Variants in NUDC observed in about 807,000 individuals in gnomAD.
The protein encoded by NUDC is nuclear distribution C, dynein complex regulator, also known as nuclear migration protein nudC.
A neutral mutation model predicts 45.0 loss-of-function variants in NUDC; 14 were observed. The observed-to-expected ratio is 0.31, with a 90% CI of 0.21 to 0.49. The LOEUF (loss-of-function observed/expected upper bound fraction) is 0.49. Ranked by LOEUF, NUDC falls within the 20% of genes least tolerant of loss-of-function variation. The pLI is 0.99. For synonymous variants in NUDC, 153 were observed against 156.7 expected (o/e 0.98, Z 0.17); for missense variants, 323 against 426.2 (o/e 0.76, Z 2.13).
rs752086600 is a variant in NUDC at position 26,942,865 on chromosome 1, A to G, written c.547-6A>G. ...GGCCTCTTCTGACTGCCTCTGCCCTATGCAGCTGGCGGTCCCTTTCTGTGT... is the reference window on the plus strand; with the variant it reads ...GGCCTCTTCTGACTGCCTCTGCCCTGTGCAGCTGGCGGTCCCTTTCTGTGT... On this transcript the variant is annotated splice_polypyrimidine_tract_variant and splice_region_variant and intron_variant, in intron 5 of 8. Coordinates refer to ENST00000321265, the MANE Select transcript of NUDC (RefSeq NM_006600.4). 2.8e-5 allele frequency: 45 copies of G among 1,613,670 alleles called. No individual in the cohort carries two copies. Among genetic ancestry groups the G allele is most frequent in the Non-Finnish European group, 3.6e-5 (43 of 1,180,032 alleles).
At chr1:26,909,320 A>G (rs1448703489) in intron 2 of NUDC, among the ~76,000 whole-genome samples, 1 of 151,826 alleles carries the variant, frequency 6.6e-6, no homozygotes, top group Non-Finnish European at 1.5e-5. Flanking sequence ...GTCTCATTAC[A>G]TTGCCCAGGC....
At chr1:26,911,274 G>A (rs906372092) in intron 3 of NUDC, 22 of 422,956 alleles carry the variant, frequency 5.2e-5, no homozygotes, top group Non-Finnish European at 9.3e-5. Context: ...CCAGGGGAGC[G>A]GTTAGTGAAG....
At chr1:26,940,678 G>A (rs1271628993) in intron 2 of NUDC, among the ~76,000 whole-genome samples, 1 of 151,910 alleles carries the variant, frequency 6.6e-6, no homozygotes, top group Non-Finnish European at 1.5e-5. Context: ...TTTAAACAGC[G>A]CCACTTTTTT....
intron 3 of NUDC, 38 bp downstream of exon 3, chr1:26,941,698 C>T (rs1557680854): frequency 1.2e-6 from 2 of 1,613,086 alleles, no homozygotes; most frequent in South Asian, 1.1e-5. Flanking sequence ...CCTCAGATCC[C>T]CCCTGGCACT....
chr1:26,930,313 G>A (rs2082170027), intron 2 of NUDC, among the ~76,000 whole-genome samples: 1 of 152,190 alleles, frequency 6.6e-6, no homozygotes, highest in Non-Finnish European at 1.5e-5. Context: ...GGGAGTATAG[G>A]CGTGCCCCAC....
chr1:26,902,320 C>A (rs1175084518), exon 2 of NUDC: 2 of 152,274 alleles, frequency 1.3e-5, no homozygotes, highest in Non-Finnish European at 2.9e-5. Flanking sequence ...TGAGCCAGCG[C>A]ACATCTCCTC....
upstream of NUDC, among the ~76,000 whole-genome samples, chr1:26,917,477 G>A (rs1412398773): frequency 3.3e-5 from 5 of 152,040 alleles, no homozygotes; most frequent in African/African-American, 1.2e-4. Context: ...TAGGAGAATC[G>A]CTTGAACCCA....
At chr1:26,905,651 G>A (rs1475285216) in intron 2 of NUDC, among the ~76,000 whole-genome samples, 1 of 150,208 alleles carries the variant, frequency 6.7e-6, no homozygotes, top group African/African-American at 2.4e-5. Flanking sequence ...CCCAGTCTCT[G>A]GTAATCAGGG....
intron 2 of NUDC, among the ~76,000 whole-genome samples, chr1:26,938,551 A>G (rs1437704423): frequency 1.3e-5 from 2 of 152,158 alleles, no homozygotes; most frequent in Admixed American, 1.3e-4. Flanking sequence ...TTTAGGGGGT[A>G]CGTTTGGTGT....
At chr1:26,911,224 G>T (rs1041208131) in exon 3 of NUDC, 4 of 466,140 alleles carry the variant, frequency 8.6e-6, no homozygotes, top group Admixed American at 4.7e-5. Flanking sequence ...CTGTGATTGG[G>T]CTTTCACTGT....
rs1324526109 is a variant in NUDC at position 26,941,620 on chromosome 1, C to G, written c.323C>G (p.Thr108Ser). The G allele has an allele frequency of 6.2e-7, 1 of 1,612,678 alleles. No homozygotes were observed. The highest frequency in any genetic ancestry group is 2.2e-5 in the East Asian group (1 of 44,848). The change falls in exon 3 of 9, where the codon ACT becomes AGT. Residue 108 changes from threonine (T) to serine (S), a missense_variant. Thr to Ser is a moderately conservative substitution (Grantham distance 58). Around this residue, in one of 3 missense-constraint regions of NUDC, gnomAD observed 245 missense variants for 278.8 expected, o/e 0.88. Coordinates refer to ENST00000321265, the MANE Select transcript of NUDC (RefSeq NM_006600.4). ...ETSGPQIKEL[T>S]DEEAERLQLE... ...TCAGGGCCCCAGATCAAGGAGCTAA[C>G]TGATGAAGAGGCAGAGAGGCTGCAG...
chr1:26,905,509 G>GGACA (rs1270346698), intron 2 of NUDC, among the ~76,000 whole-genome samples: 2 of 152,106 alleles, frequency 1.3e-5, no homozygotes, highest in Non-Finnish European at 2.9e-5. Context: ...ACAGGACAAG[G>GGACA]GACATCTGGC....
At chr1:26,913,286 C>G (rs2082039104) in intron 3 of NUDC, 2 of 920,946 alleles carry the variant, frequency 2.2e-6, no homozygotes, top group South Asian at 1.4e-5. Flanking sequence ...GACTCTGTCT[C>G]AGAAAAATAA....
chr1:26,900,517 C>G (rs2081973086), intron 1 of NUDC: 9 of 1,276,268 alleles, frequency 7.1e-6, no homozygotes, highest in Non-Finnish European at 9.8e-6. Context: ...CCCTGCGTTG[C>G]GAGATTGTGA....
At chr1:26,930,422 C>T (rs537757249) in intron 2 of NUDC, among the ~76,000 whole-genome samples, 51 of 152,328 alleles carry the variant, frequency 3.3e-4, no homozygotes, top group Middle Eastern at 3.4e-3. Flanking sequence ...GCGACCTACC[C>T]GCCTTTGCGG....
chr1:26,903,040 A>G (rs2081987308), intron 2 of NUDC, among the ~76,000 whole-genome samples: 1 of 151,032 alleles, frequency 6.6e-6, no homozygotes, highest in African/African-American at 2.4e-5. Flanking sequence ...CAACAGAGCG[A>G]GACTCTGTCT....
At position 26,916,295 on chromosome 1, in the gene NUDC, G is replaced by A. The variant is rs576727017; in HGVS notation, c.93+5060G>A. ...CCAACTACTTGAGAGGCTGAGGCAA[G>A]AGGATGGTTTGAGCCCAGGACTTCA... is the stretch of plus-strand genomic sequence containing the variant. On this transcript the variant is annotated intron_variant, in intron 3 of 6. Transcript: ENST00000435827. 2.6e-5 allele frequency among the ~76,000 whole-genome samples: 4 copies of A among 152,100 alleles called. No individual in the cohort carries two copies. The East Asian group carries it at 7.7e-4, about 29-fold the overall frequency.
intron 3 of NUDC, chr1:26,913,360 G>A (rs747327901): frequency 7.7e-6 from 12 of 1,554,778 alleles, no homozygotes; most frequent in Non-Finnish European, 1.1e-5. Context: ...TTCCCTGGCT[G>A]GCCCCTGCTT....
At chr1:26,920,355 AGTG>A (rs2082082918), upstream of NUDC, among the ~76,000 whole-genome samples, 1 of 152,014 alleles carries the variant, frequency 6.6e-6, no homozygotes, top group Non-Finnish European at 1.5e-5. Context: ...AGTTAGGCGT[AGTG>A]GTGCCTGTAA....
Sources: gnomAD v4.1 joint callset for allele counts (sites outside exome capture counted in the v4.1 genomes callset) on GRCh38, gnomAD v4.1.1 for gene constraint, gnomAD v4.1.1 regional missense constraint, MANE v1.5 for transcripts, NCBI Gene and HGNC (gene_info 2026-07-23, HGNC 2026-07-21) for gene names.